Variants in APLN observed in about 807,000 individuals in gnomAD.
APLN encodes AGTRL1 ligand.
In APLN, 2 loss-of-function variants were observed where a neutral mutation model predicts 4.3. The observed-to-expected ratio is 0.46, with a 90% CI of 0.19 to 1.45. The LOEUF (loss-of-function observed/expected upper bound fraction) is 1.45, where lower values mean the gene tolerates loss of function less well. Ranked by LOEUF, APLN falls within the 40% of genes most tolerant of loss-of-function variation. APLN has a pLI of 0.25. For synonymous variants in APLN, 34 were observed against 30.4 expected (o/e 1.12, Z -0.38); for missense variants, 80 against 70.0 (o/e 1.14, Z -0.51).
intron 1 of APLN, among the ~76,000 whole-genome samples, chrX:129,649,516 A>T (rs1340635337): frequency 1.8e-5 from 2 of 111,318 alleles, no homozygotes; most frequent in Non-Finnish European, 3.8e-5. Context: ...TCATGCTGTG[A>T]CCAGATTTAG....
intron 2 of APLN, among the ~76,000 whole-genome samples, 194 bp downstream of exon 2, chrX:129,648,427 G>A (rs1240972125): frequency 1.8e-5 from 2 of 112,478 alleles, no homozygotes; most frequent in Non-Finnish European, 3.8e-5. Context: ...CTCAGACGAG[G>A]AGATCGTCTG....
intron 1 of APLN, among the ~76,000 whole-genome samples, chrX:129,651,205 AC>A (rs1406782944): frequency 9.1e-6 from 1 of 110,214 alleles, no homozygotes; most frequent in East Asian, 2.9e-4. Flanking sequence ...AGCTGACTGA[AC>A]CCCCAGCCGG....
In APLN at chrX:129,654,866, C is replaced by A. The variant is rs955417127; in HGVS notation, c.-236G>T. The A allele has an allele frequency of 5.5e-4, 102 of 184,166 alleles. 2 individuals carry two copies. Among genetic ancestry groups the A allele is most frequent in the African/African-American group, 2.8e-3 (94 of 33,033 alleles). 15.2% of individuals were successfully genotyped at this position (184,166 alleles called of 1,213,427 possible). A position where few individuals can be genotyped will look rare whatever the true frequency, so the allele number is the denominator to read the frequency against. On this transcript the variant is annotated 5_prime_UTR_variant, in exon 1 of 3. Transcript: ENST00000429967. Reference sequence around the variant, plus strand: ...GCCGCGAAGCTGGCCTCGGCGGCTCCGGGAGCGGCAGCGGCGAGCTCTTTC... The same window carrying A: ...GCCGCGAAGCTGGCCTCGGCGGCTCAGGGAGCGGCAGCGGCGAGCTCTTTC...
intron 1 of APLN, among the ~76,000 whole-genome samples, chrX:129,653,660 G>A (rs749019951): frequency 1.7e-3 from 188 of 112,773 alleles, no homozygotes; most frequent in African/African-American, 5.7e-3. Context: ...GCTAGGGGCG[G>A]ACATGGGCAC....
intron 1 of APLN, among the ~76,000 whole-genome samples, chrX:129,651,287 CCGAGAT>C (rs1337640930): frequency 9.0e-6 from 1 of 110,694 alleles, no homozygotes; most frequent in Admixed American, 9.5e-5. Flanking sequence ...CTCAGCATCA[CCGAGAT>C]CTGCTGGCTC....
chrX:129,647,968 A>G, intron 2 of APLN, 51 bp from the exon 3 acceptor site: 5 of 974,115 alleles, frequency 5.1e-6, no homozygotes, highest in Non-Finnish European at 6.7e-6. Context: ...TCCTAGGCCA[A>G]AGGAACTCCC....
Position 129,647,433 on chromosome X carries a change from A to T in APLN, c.*490T>A. On this transcript the variant is annotated 3_prime_UTR_variant, in exon 3 of 3. Coordinates refer to ENST00000429967, the MANE Select transcript of APLN (RefSeq NM_017413.5). The stretch of plus-strand genomic sequence containing the variant: ...TGGATCCCCGCAGCCAGCACCTCTT[A>T]ACTAGAGTCTCTCCTTGCTTTTCTC... 1 of 314,390 alleles carries T rather than the reference A, an allele frequency of 3.2e-6. No individual in the cohort carries two copies. 25.9% of individuals were successfully genotyped at this position (314,390 alleles called of 1,213,427 possible).
chrX:129,648,016 C>T (rs1936952457), intron 2 of APLN, 99 bp from the exon 3 acceptor site: 1 of 921,888 alleles, frequency 1.1e-6, no homozygotes, highest in Admixed American at 3.6e-5. Context: ...CCTTCTCTTT[C>T]CCCCAAACTC....
At chrX:129,651,324 C>T (rs2235309) in intron 1 of APLN, among the ~76,000 whole-genome samples, 14,066 of 109,769 alleles carry the variant, frequency 0.13, 1,521 homozygotes, top group East Asian at 0.46. Flanking sequence ...CTGAGCCCGT[C>T]ACCCACCTGT....
At chrX:129,651,678 C>A (rs1465629033) in intron 1 of APLN, among the ~76,000 whole-genome samples, 2 of 112,216 alleles carry the variant, frequency 1.8e-5, no homozygotes, top group Admixed American at 9.4e-5. Context: ...ATTTGACTTT[C>A]ATGCTATCTG....
At chrX:129,651,903 C>G (rs1279275652) in intron 1 of APLN, among the ~76,000 whole-genome samples, 3 of 112,204 alleles carry the variant, frequency 2.7e-5, no homozygotes, top group Non-Finnish European at 5.6e-5. Flanking sequence ...CCCAGCCCCC[C>G]ATCCCAGTCG....
chrX:129,647,449 T>C lies in APLN; in HGVS notation c.*474A>G. The C allele has an allele frequency of 8.6e-6, 3 of 347,842 alleles. No homozygotes were observed. Among genetic ancestry groups the C allele is most frequent in the Non-Finnish European group, 1.4e-5 (3 of 217,997 alleles). 28.7% of individuals were successfully genotyped at this position (347,842 alleles called of 1,213,427 possible). On this transcript the variant is annotated 3_prime_UTR_variant, in exon 3 of 3. Coordinates refer to ENST00000429967, the MANE Select transcript of APLN (RefSeq NM_017413.5). ...GCACCTCTTAACTAGAGTCTCTCCT[T>C]GCTTTTCTCTGCATTCTTCCCTGGA...
Position 129,654,737 on chromosome X carries a change from A to C in APLN, c.-107T>G, listed in dbSNP as rs2281069. The C allele has an allele frequency of 2.4e-4, 122 of 510,396 alleles. 1 individual carries two copies. In the East Asian group the frequency reaches 6.6e-3, roughly 28 times the overall value. The allele number at this position is 510,396 out of a possible 1,213,427, so 42.1% of individuals were successfully genotyped here. ...AGCCGCGGCTGGCGCGTGCGGGCGC[A>C]GAGCTCGGGAGGCTCCCCGGCCGCT... On this transcript the variant is annotated 5_prime_UTR_variant, in exon 1 of 3. Coordinates refer to ENST00000429967, the MANE Select transcript of APLN (RefSeq NM_017413.5).
chrX:129,654,855 C>A lies in APLN; in HGVS notation c.-225G>T. On this transcript the variant is annotated 5_prime_UTR_variant, in exon 1 of 3. It adds an upstream start codon to the 5' untranslated region. Transcript: ENST00000429967. ...CGCGGGGCAGCGCCGCGAAGCTGGCCTCGGCGGCTCCGGGAGCGGCAGCGG... is the reference window on the plus strand; with the variant it reads ...CGCGGGGCAGCGCCGCGAAGCTGGCATCGGCGGCTCCGGGAGCGGCAGCGG... The A allele has an allele frequency of 5.2e-6, 1 of 193,275 alleles. No individual in the cohort carries two copies. The highest frequency in any genetic ancestry group is 1.0e-4 in the East Asian group (1 of 9,781). The allele number at this position is 193,275 out of a possible 1,213,427, so 15.9% of individuals were successfully genotyped here.
intron 1 of APLN, among the ~76,000 whole-genome samples, chrX:129,650,147 C>T (rs372880416): frequency 2.7e-5 from 3 of 111,017 alleles, no homozygotes; most frequent in South Asian, 3.9e-4. Flanking sequence ...CCCTGTCCCT[C>T]GAGCCCCATT....
Position 129,646,161 on chromosome X carries a change from TG to T in APLN, c.*1761del. ...GGCGTCAGTGGCAGAAGAGACTTTC[TG>T]GGCACCGACCAGTCCCCACTCCAAG... On this transcript the variant is annotated 3_prime_UTR_variant, in exon 3 of 3. Coordinates refer to ENST00000429967, the MANE Select transcript of APLN (RefSeq NM_017413.5). 8.6e-6 allele frequency: 1 copy of T among 116,945 alleles called. No homozygotes were observed. The highest frequency in any genetic ancestry group is 1.8e-5 in the Non-Finnish European group (1 of 54,922). The allele number at this position is 116,945 out of a possible 1,213,427, so 9.6% of individuals were successfully genotyped here.
Position 129,646,516 on chromosome X carries a change from T to C in APLN, c.*1407A>G, listed in dbSNP as rs1448667029. The C allele has an allele frequency of 2.7e-5, 3 of 112,628 alleles. No individual in the cohort carries two copies. Among genetic ancestry groups the C allele is most frequent in the Middle Eastern group, 4.5e-3 (1 of 222 alleles). The allele number at this position is 112,628 out of a possible 1,213,427, so 9.3% of individuals were successfully genotyped here. ...TCTTTCCTTCCTTCTGTTCCTTTGC[T>C]TTCTTTTCTTCCCTCCTTCCTTCTG... On this transcript the variant is annotated 3_prime_UTR_variant, in exon 3 of 3. Transcript: ENST00000429967.
At chrX:129,651,249 C>T (rs901660621) in intron 1 of APLN, among the ~76,000 whole-genome samples, 1 of 110,647 alleles carries the variant, frequency 9.0e-6, no homozygotes, top group African/African-American at 3.3e-5. Flanking sequence ...TTCTTGCATC[C>T]CTCCCATTGC....
chrX:129,649,107 G>A (rs999286292), intron 1 of APLN, among the ~76,000 whole-genome samples: 8 of 110,593 alleles, frequency 7.2e-5, no homozygotes, highest in African/African-American at 2.3e-4. Context: ...GGGTTGTCAC[G>A]CCTGTACTTG....
Sources: allele counts gnomAD v4.1 joint callset (sites outside exome capture counted in the v4.1 genomes callset), GRCh38; gene constraint gnomAD v4.1.1; transcripts MANE v1.5; gene names NCBI Gene and HGNC (gene_info 2026-07-23, HGNC 2026-07-21).